LRRK1: variants seen among roughly 807,000 people sequenced by gnomAD.
LRRK1 encodes leucine-rich repeat serine/threonine-protein kinase 1.
Under a neutral mutation model 209.1 loss-of-function variants are expected in LRRK1, and 113 were observed. The observed-to-expected ratio is 0.54, with a 90% CI of 0.46 to 0.63. The LOEUF (loss-of-function observed/expected upper bound fraction) is 0.63, where lower values mean the gene tolerates loss of function less well. Ranked by LOEUF, LRRK1 falls within the 30% of genes least tolerant of loss-of-function variation. The probability of loss-of-function intolerance (pLI) is 0.00; values close to 1 mark genes in which losing one functional copy is unlikely to be tolerated. For missense variants in LRRK1, 2,284 were observed against 2,632.2 expected (o/e 0.87, Z 2.89); for synonymous variants, 1,144 against 1,099.7 (o/e 1.04, Z -0.80).
rs41531245 is a variant in LRRK1, at chr15:101,029,169, C to T, written c.2900C>T (p.Thr967Met). ...LLVGTGFTQQ[T>M]EEQYFQFLAK... ...GTGGGGACTGGCTTCACGCAGCAGA[C>T]GGAAGAGCAGTACTTCCAGTTCCTG... The change falls in exon 20 of 34, where the codon ACG becomes ATG. Residue 967 changes from threonine (T) to methionine (M), a missense_variant. Around this residue, in one of 6 missense-constraint regions of LRRK1, gnomAD observed 780 missense variants for 985.2 expected, o/e 0.79. Coordinates refer to ENST00000388948, the MANE Select transcript of LRRK1 (RefSeq NM_024652.6). 1,597 of 1,614,122 alleles carry T rather than the reference C, an allele frequency of 9.9e-4. 3 individuals carry two copies. Among genetic ancestry groups the T allele is most frequent in the Non-Finnish European group, 8.6e-4 (1,012 of 1,179,998 alleles).
intron 5 of LRRK1, 56 bp from the exon 6 acceptor site, chr15:100,989,194 A>G: frequency 3.3e-6 from 5 of 1,509,346 alleles, no homozygotes; most frequent in Admixed American, 3.5e-5. Flanking sequence ...CTGCCCTTCC[A>G]ACGACTGTGA....
At chr15:100,972,436 G>A (rs1271789186) in intron 2 of LRRK1, among the ~76,000 whole-genome samples, 1 of 147,960 alleles carries the variant, frequency 6.8e-6, no homozygotes, top group African/African-American at 2.5e-5. Flanking sequence ...GAGAAGGTTG[G>A]CAGTTTTGTA....
rs1190287407 is a variant in LRRK1 at position 101,071,626 on chromosome 15, G to C, written c.*2778G>C. On this transcript the variant is annotated 3_prime_UTR_variant, in exon 34 of 34. Transcript: ENST00000388948. ...GATGGTCTTGAACTCCTGAGCTCAG[G>C]TGATCCGCCCGCCTCATCCTCCCAA... The C allele has an allele frequency of 6.6e-6, 1 of 152,148 alleles. No homozygotes were observed. The highest frequency in any genetic ancestry group is 1.9e-4 in the East Asian group (1 of 5,188). 9.4% of individuals were successfully genotyped at this position (152,148 alleles called of 1,614,324 possible). A position where few individuals can be genotyped will look rare whatever the true frequency, so the allele number is the denominator to read the frequency against.
intron 2 of LRRK1, among the ~76,000 whole-genome samples, chr15:100,961,447 G>C (rs1015745153): frequency 3.9e-5 from 6 of 152,122 alleles, no homozygotes; most frequent in Non-Finnish European, 8.8e-5. Flanking sequence ...GAGGTCAAGC[G>C]ATCAAGACCA....
intron 2 of LRRK1, among the ~76,000 whole-genome samples, chr15:100,952,095 C>G (rs2042667354): frequency 6.6e-6 from 1 of 151,998 alleles, no homozygotes; most frequent in Non-Finnish European, 1.5e-5. Context: ...TTGTATTATT[C>G]CACGTATATG....
chr15:101,010,184 A>C (rs1375167136), intron 7 of LRRK1, among the ~76,000 whole-genome samples: 1 of 152,210 alleles, frequency 6.6e-6, no homozygotes, highest in African/African-American at 2.4e-5. Context: ...TCATTTTGCT[A>C]TTACATGCCT....
intron 28 of LRRK1, among the ~76,000 whole-genome samples, chr15:101,057,374 G>C (rs962072735): frequency 6.6e-6 from 1 of 152,234 alleles, no homozygotes; most frequent in African/African-American, 2.4e-5. Context: ...TTTGTAAAGT[G>C]ATGGGGAAAA....
chr15:100,922,610 G>A (rs1355227482), intron 1 of LRRK1, among the ~76,000 whole-genome samples: 1 of 152,162 alleles, frequency 6.6e-6, no homozygotes, highest in Non-Finnish European at 1.5e-5. Context: ...GGATGTGAAT[G>A]TGTGATCGGA....
At chr15:101,011,064 A>G (rs2033213644) in intron 9 of LRRK1, among the ~76,000 whole-genome samples, 1 of 152,138 alleles carries the variant, frequency 6.6e-6, no homozygotes, top group East Asian at 1.9e-4. Context: ...TTCAAGAGCC[A>G]CCCAGCAACA....
Position 101,024,188 on chromosome 15 carries a change from TG to T in LRRK1, c.2068-614del, listed in dbSNP as rs1181557309. 6.6e-6 allele frequency among the ~76,000 whole-genome samples: 1 copy of T among 152,232 alleles called. No homozygotes were observed. The highest frequency in any genetic ancestry group is 1.5e-5 in the Non-Finnish European group (1 of 68,038). ...TTTATACAAAACCAGGTCAGCACAC[TG>T]TGTCTTGGAGGCTGATGCTGCCTCA... On this transcript the variant is annotated intron_variant, in intron 15 of 33. Transcript: ENST00000388948. This position sits in a 1 kb window ranked among gnomAD's most constrained non-coding sequence, Gnocchi z 4.6.
intron 2 of LRRK1, among the ~76,000 whole-genome samples, chr15:100,960,753 A>G (rs2029889190): frequency 6.6e-6 from 1 of 152,246 alleles, no homozygotes; most frequent in Non-Finnish European, 1.5e-5. Flanking sequence ...TATTTGTAGA[A>G]CGAATGAGCA....
chr15:101,071,013 A>C lies in LRRK1; in HGVS notation c.*2165A>C, dbSNP rs1280411292. On this transcript the variant is annotated 3_prime_UTR_variant, in exon 34 of 34. Coordinates refer to ENST00000388948, the MANE Select transcript of LRRK1 (RefSeq NM_024652.6). ...AGGCAAACAGGTTAAGGGCATGGGC[A>C]GCAATTGAATTACAAAGAAACAGAC... 2 of 152,280 alleles carry C rather than the reference A, an allele frequency of 1.3e-5. No individual in the cohort carries two copies. The highest frequency in any genetic ancestry group is 6.5e-5 in the Admixed American group (1 of 15,292). The allele number at this position is 152,280 out of a possible 1,614,324, so 9.4% of individuals were successfully genotyped here.
At chr15:101,041,268 C>G (rs1276096969) in intron 20 of LRRK1, among the ~76,000 whole-genome samples, 2 of 152,138 alleles carry the variant, frequency 1.3e-5, no homozygotes, top group South Asian at 2.1e-4. Context: ...AGGTTATGAT[C>G]TCTATAAAAA....
At chr15:101,014,460 C>T in intron 11 of LRRK1, 32 bp downstream of exon 11, 1 of 1,455,660 alleles carries the variant, frequency 6.9e-7, no homozygotes, top group Non-Finnish European at 9.7e-7. Flanking sequence ...CTGGCCAGTT[C>T]CAAAGCGTGT....
chr15:100,988,472 A>G (rs1190268657), intron 4 of LRRK1, 162 bp from the exon 5 acceptor site: 1 of 715,984 alleles, frequency 1.4e-6, no homozygotes, highest in Non-Finnish European at 2.5e-6. Context: ...TGCAAAGTAC[A>G]TGATCTCATT....
At chr15:100,992,843 A>C (rs1426901153) in intron 6 of LRRK1, among the ~76,000 whole-genome samples, 1 of 152,070 alleles carries the variant, frequency 6.6e-6, no homozygotes, top group African/African-American at 2.4e-5. Flanking sequence ...TGATTTTTGT[A>C]TTTTTAGTAG....
Position 101,069,013 on chromosome 15 carries a change from G to A in LRRK1, c.*165G>A. On this transcript the variant is annotated 3_prime_UTR_variant, in exon 34 of 34. Transcript: ENST00000388948. Reference sequence around the variant, plus strand: ...CTGAGAAGTTACTCGCCTGGCGGTGGCTCCAGGGTTCTCTGGTTCTCTGGA... The same window carrying A: ...CTGAGAAGTTACTCGCCTGGCGGTGACTCCAGGGTTCTCTGGTTCTCTGGA... 1.6e-6 allele frequency: 1 copy of A among 616,400 alleles called. No individual in the cohort carries two copies. The highest frequency in any genetic ancestry group is 3.0e-5 in the South Asian group (1 of 33,728). 38.2% of individuals were successfully genotyped at this position (616,400 alleles called of 1,614,324 possible).
Position 101,069,290 on chromosome 15 carries a change from A to AC in LRRK1, c.*446dup, listed in dbSNP as rs979424287. The AC allele has an allele frequency of 6.5e-6, 1 of 153,424 alleles. No homozygotes were observed. The highest frequency in any genetic ancestry group is 2.4e-5 in the African/African-American group (1 of 41,410). 9.5% of individuals were successfully genotyped at this position (153,424 alleles called of 1,614,324 possible). A position where few individuals can be genotyped will look rare whatever the true frequency, so the allele number is the denominator to read the frequency against. The stretch of plus-strand genomic sequence containing the variant: ...GAGGTAGGGCAGGAGGGGGGCTGTG[A>AC]CCCCTGCCCTTTCCCCGCCAGAGAC... On this transcript the variant is annotated 3_prime_UTR_variant, in exon 34 of 34. Transcript: ENST00000388948.
chr15:100,985,520 T>C (rs191963671), intron 4 of LRRK1, among the ~76,000 whole-genome samples: 99 of 152,302 alleles, frequency 6.5e-4, no homozygotes, highest in African/African-American at 2.3e-3. Context: ...TTGAAGTATT[T>C]TTACGCAGAG....
Sources: allele counts gnomAD v4.1 joint callset (sites outside exome capture counted in the v4.1 genomes callset), GRCh38; gene constraint gnomAD v4.1.1; regional missense constraint gnomAD v4.1.1; non-coding constraint Gnocchi (gnomAD v3.1); transcripts MANE v1.5; gene names NCBI Gene and HGNC (gene_info 2026-07-23, HGNC 2026-07-21).